The following DENND2A variants were observed in gnomAD, a reference collection of about 807,000 sequenced individuals.
DENND2A encodes the protein DENN domain-containing protein 2A.
In DENND2A, 53 loss-of-function variants were observed where a neutral mutation model predicts 105.3. That is an observed-to-expected ratio of 0.50 (90% confidence interval 0.40 to 0.63). DENND2A has a LOEUF of 0.63. DENND2A is among the 30% of genes least tolerant of loss of function. The pLI is 0.00. For missense variants in DENND2A, 1,138 were observed against 1,279.6 expected, an observed-to-expected ratio of 0.89 and a Z score of 1.69; for synonymous variants, 522 against 508.4, an observed-to-expected ratio of 1.03 and a Z score of -0.36.
intron 14 of DENND2A, among the ~76,000 whole-genome samples, chr7:140,535,631 GAGT>G (rs975019679): frequency 2.6e-5 from 4 of 151,594 alleles, no homozygotes; most frequent in Non-Finnish European, 4.4e-5. Context: ...GCCCAGGCTG[GAGT>G]GCAATGGCGT....
At chr7:140,638,698 G>A (rs1801053430) in intron 1 of DENND2A, among the ~76,000 whole-genome samples, 1 of 152,148 alleles carries the variant, frequency 6.6e-6, no homozygotes. Context: ...GCCTCTCCTA[G>A]ACTCTCTTGG....
chr7:140,539,875 G>A (rs533518604), intron 14 of DENND2A, among the ~76,000 whole-genome samples: 2 of 152,318 alleles, frequency 1.3e-5, no homozygotes, highest in African/African-American at 4.8e-5. Context: ...CGTGTAGGAT[G>A]GAAGGACGAT....
At chr7:140,544,589 G>A (rs917080436) in intron 14 of DENND2A, 29 bp downstream of exon 14, 3 of 1,613,976 alleles carry the variant, frequency 1.9e-6, no homozygotes, top group Admixed American at 1.7e-5. Flanking sequence ...TCATTCAAAC[G>A]CTTTAGCAGA....
chr7:140,537,506 C>T (rs1295143782), intron 14 of DENND2A, among the ~76,000 whole-genome samples: 2 of 152,170 alleles, frequency 1.3e-5, no homozygotes, highest in Non-Finnish European at 2.9e-5. Flanking sequence ...AGCAGTGGTG[C>T]AGTCATAGCT....
chr7:140,558,203 G>T lies in DENND2A; in HGVS notation c.1899C>A (p.Phe633Leu). Residue 633 changes from phenylalanine to leucine, a missense_variant, in exon 11 of 20, where the codon TTC (phenylalanine) becomes TTA (leucine). By Grantham distance (22) the Phe-to-Leu change is conservative (BLOSUM62 0). Coordinates refer to ENST00000496613, the MANE Select transcript of DENND2A (RefSeq NM_015689.5). The stretch of plus-strand genomic sequence containing the variant: ...CATCTTCTCCAGTTAAGACAAATGA[G>T]AATGTTTCACTGTGGTTGGGAAAAC... The part of the protein sequence containing the change: ...VPVQQFTSET[F>L]SFVLTGEDGS... 1.2e-6 allele frequency: 2 copies of T among 1,612,776 alleles called. No homozygotes were observed. Among genetic ancestry groups the T allele is most frequent in the Non-Finnish European group, 8.5e-7 (1 of 1,178,900 alleles).
intron 14 of DENND2A, among the ~76,000 whole-genome samples, chr7:140,537,274 G>A (rs1272570836): frequency 6.6e-6 from 1 of 152,170 alleles, no homozygotes; most frequent in Non-Finnish European, 1.5e-5. Context: ...GAGGATGAAA[G>A]TGCACAGCTA....
intron 2 of DENND2A, among the ~76,000 whole-genome samples, chr7:140,605,438 C>A (rs1227228966): frequency 6.6e-6 from 1 of 152,090 alleles, no homozygotes; most frequent in Non-Finnish European, 1.5e-5. Context: ...AAAAATAAAC[C>A]CAGAATTGGA....
rs1005714574 is a variant in DENND2A, at chr7:140,601,775, C to T, written c.623G>A (p.Gly208Glu). The change falls in exon 3 of 20, where the codon GGG becomes GAG. Residue 208 changes from glycine to glutamate, a missense_variant. Around this residue, in one of 2 missense-constraint regions of DENND2A, gnomAD observed 511 missense variants for 499.9 expected, o/e 1.02. Coordinates refer to ENST00000496613, the MANE Select transcript of DENND2A (RefSeq NM_015689.5). ...CCTCTGGCTGACTTCTGAGCCACTC[C>T]CGCCTCCCAGGTTCTCAGGAAGGGT... ...GSTLPENLGG[G>E]SGSEVSQRVH... 1 of 1,614,096 alleles carries T rather than the reference C, an allele frequency of 6.2e-7. No individual in the cohort carries two copies. Among genetic ancestry groups the T allele is most frequent in the Non-Finnish European group, 8.5e-7 (1 of 1,180,010 alleles).
chr7:140,558,478 T>A (rs1411925397), intron 10 of DENND2A, among the ~76,000 whole-genome samples: 2 of 152,056 alleles, frequency 1.3e-5, no homozygotes, highest in Non-Finnish European at 2.9e-5. Flanking sequence ...GGTGGATCAC[T>A]TGAGGTCAGG....
intron 10 of DENND2A, among the ~76,000 whole-genome samples, chr7:140,558,666 A>G (rs1332854309): frequency 6.7e-6 from 1 of 149,000 alleles, no homozygotes; most frequent in African/African-American, 2.5e-5. Flanking sequence ...ATTACACTCC[A>G]GCCTGGGGGA....
At chr7:140,633,028 ATT>A (rs1181300571) in intron 1 of DENND2A, among the ~76,000 whole-genome samples, 24 of 131,248 alleles carry the variant, frequency 1.8e-4, no homozygotes, top group East Asian at 2.3e-4. Context: ...TGCCCAGCTA[ATT>A]TTTTTTTTTT....
At chr7:140,553,529 G>A (rs1258474001) in intron 12 of DENND2A, among the ~76,000 whole-genome samples, 1 of 152,156 alleles carries the variant, frequency 6.6e-6, no homozygotes, top group African/African-American at 2.4e-5. Context: ...ACCCTTTATG[G>A]GTGTCGGGCT....
At chr7:140,534,095 TTTTTTTTG>T (rs1267014367) in intron 14 of DENND2A, among the ~76,000 whole-genome samples, 1 of 139,196 alleles carries the variant, frequency 7.2e-6, no homozygotes, top group Non-Finnish European at 1.6e-5. Flanking sequence ...TTTTTTTTTT[TTTTTTTTG>T]AGATGGAGTC....
At chr7:140,537,754 T>C (rs780431121) in intron 14 of DENND2A, among the ~76,000 whole-genome samples, 1 of 152,214 alleles carries the variant, frequency 6.6e-6, no homozygotes, top group Non-Finnish European at 1.5e-5. Context: ...TCCTCCTGCT[T>C]TGGCCTCCTA....
At chr7:140,550,812 T>A (rs1797103458) in intron 12 of DENND2A, among the ~76,000 whole-genome samples, 1 of 152,106 alleles carries the variant, frequency 6.6e-6, no homozygotes, top group South Asian at 2.1e-4. Flanking sequence ...TGGAGATAGA[T>A]GGTGGTGATG....
chr7:140,587,437 C>G (rs574576421), intron 4 of DENND2A, among the ~76,000 whole-genome samples: 2 of 152,284 alleles, frequency 1.3e-5, no homozygotes, highest in African/African-American at 2.4e-5. Flanking sequence ...TCATTACCAG[C>G]TAGTCTTCCC....
At position 140,521,854 on chromosome 7, in the gene DENND2A, C is replaced by T; in HGVS notation, c.2911+1G>A. ...GCCCCAACAGAGAAGATGCCCCTCA[C>T]CTTTGGCATCCTGCCGGCGCAGCTC... On this transcript the variant is annotated splice_donor_variant, in intron 18 of 19. Coordinates refer to ENST00000496613, the MANE Select transcript of DENND2A (RefSeq NM_015689.5). LOFTEE classifies it high-confidence loss of function. 1 of 1,613,838 alleles carries T rather than the reference C, an allele frequency of 6.2e-7. No homozygotes were observed. Among genetic ancestry groups the T allele is most frequent in the East Asian group, 2.2e-5 (1 of 44,880 alleles).
intron 4 of DENND2A, among the ~76,000 whole-genome samples, chr7:140,587,384 C>T (rs112174422): frequency 0.036 from 5,496 of 152,214 alleles, 178 homozygotes; most frequent in African/African-American, 0.092. Flanking sequence ...CCAGGCCCCA[C>T]GCTTCTCGCT....
chr7:140,539,713 C>T (rs111437786), intron 14 of DENND2A, among the ~76,000 whole-genome samples: 1,783 of 152,356 alleles, frequency 0.012, 30 homozygotes, highest in African/African-American at 0.041. Flanking sequence ...AGAAGGCGCC[C>T]GGCACAGAGG....
Sources: gnomAD v4.1 joint callset for allele counts (sites outside exome capture counted in the v4.1 genomes callset) on GRCh38, gnomAD v4.1.1 for gene constraint, gnomAD v4.1.1 regional missense constraint, MANE v1.5 for transcripts, NCBI Gene and HGNC (gene_info 2026-07-23, HGNC 2026-07-21) for gene names.